Variants in MANEA observed in about 807,000 individuals in gnomAD.
MANEA encodes the protein mannosidase endo-alpha, also known as glycoprotein endo-alpha-1,2-mannosidase.
A neutral mutation model predicts 36.8 loss-of-function variants in MANEA; 25 were observed. The observed-to-expected ratio is 0.68, with a 90% CI of 0.50 to 0.95. The LOEUF (loss-of-function observed/expected upper bound fraction) is 0.95, where lower values mean the gene tolerates loss of function less well. MANEA is among the 40% of genes least tolerant of loss of function. The probability of loss-of-function intolerance (pLI) is 0.00; values close to 1 mark genes in which losing one functional copy is unlikely to be tolerated. For synonymous variants in MANEA, 198 were observed against 188.5 expected (o/e 1.05, Z -0.41); for missense variants, 565 against 558.8 (o/e 1.01, Z -0.11).
chr6:95,582,308 C>T (rs1404533167), intron 1 of MANEA, among the ~76,000 whole-genome samples: 6 of 151,432 alleles, frequency 4.0e-5, no homozygotes, highest in South Asian at 2.1e-4. Context: ...CTCAGCCTCC[C>T]GAGTAGCTGG....
intron 1 of MANEA, among the ~76,000 whole-genome samples, chr6:95,581,462 C>T (rs1005081453): frequency 6.6e-6 from 1 of 152,016 alleles, no homozygotes; most frequent in African/African-American, 2.4e-5. Flanking sequence ...ATGAGTGTAT[C>T]CAGAAAATGA....
chr6:95,600,593 A>ATGAATATGTTTAAT (rs535823610), intron 3 of MANEA, among the ~76,000 whole-genome samples: 5 of 152,324 alleles, frequency 3.3e-5, no homozygotes, highest in African/African-American at 7.2e-5. Context: ...TAATATGTTT[A>ATGAATATGTTTAAT]ATGAATGACA....
At chr6:95,604,607 G>A (rs1325894857) in intron 3 of MANEA, among the ~76,000 whole-genome samples, 1 of 151,830 alleles carries the variant, frequency 6.6e-6, no homozygotes, top group East Asian at 1.9e-4. Flanking sequence ...AATACCTTAG[G>A]GAGTTGTGAA....
chr6:95,602,531 T>G (rs1411111465), intron 3 of MANEA, among the ~76,000 whole-genome samples: 2 of 152,014 alleles, frequency 1.3e-5, no homozygotes, highest in Non-Finnish European at 2.9e-5. Context: ...AAATGCAGGG[T>G]AGGGAAGAGA....
At chr6:95,583,321 T>C (rs1769216507) in intron 1 of MANEA, among the ~76,000 whole-genome samples, 1 of 151,984 alleles carries the variant, frequency 6.6e-6, no homozygotes, top group South Asian at 2.1e-4. Context: ...ATACATTTAA[T>C]TATGTATATA....
chr6:95,578,139 G>C (rs576275261), intron 1 of MANEA, among the ~76,000 whole-genome samples: 2 of 152,160 alleles, frequency 1.3e-5, no homozygotes, highest in African/African-American at 4.8e-5. Flanking sequence ...TCTGGGCATC[G>C]GGAGGAGACC....
intron 2 of MANEA, among the ~76,000 whole-genome samples, chr6:95,596,499 CT>C (rs1436876910): frequency 2.6e-5 from 4 of 152,042 alleles, no homozygotes; most frequent in Non-Finnish European, 5.9e-5. Context: ...AAACCTAAAA[CT>C]TACTCTAAAA....
chr6:95,589,357 C>A (rs1315902487), intron 2 of MANEA, among the ~76,000 whole-genome samples: 12 of 151,962 alleles, frequency 7.9e-5, no homozygotes, highest in African/African-American at 2.9e-4. Context: ...TCATATTTTT[C>A]CTTTGATATA....
At chr6:95,605,101 T>C (rs988393912) in intron 4 of MANEA, among the ~76,000 whole-genome samples, 198 bp downstream of exon 4, 2 of 152,066 alleles carry the variant, frequency 1.3e-5, no homozygotes, top group African/African-American at 4.8e-5. Context: ...TCACTTTCTT[T>C]TTGGAAGATT....
At position 95,605,999 on chromosome 6, in the gene MANEA, G is replaced by A. The variant is rs1582232451; in HGVS notation, c.983G>A (p.Gly328Asp). Residue 328 changes from glycine to aspartate, a missense_variant, in exon 5 of 5, where the codon GGC becomes GAC. Transcript: ENST00000358812. ...ATTTACACATATTTTGCCACAAATG[G>A]CTTTACTTATGGCTCATCACATCAG... ...DGIYTYFATN[G>D]FTYGSSHQNW... The A allele has an allele frequency of 3.1e-6, 5 of 1,613,838 alleles. No homozygotes were observed. In the South Asian group the frequency reaches 5.5e-5, roughly 18 times the overall value.
intron 2 of MANEA, among the ~76,000 whole-genome samples, chr6:95,590,671 G>T (rs926782230): frequency 2.0e-5 from 3 of 152,070 alleles, no homozygotes; most frequent in African/African-American, 7.2e-5. Flanking sequence ...CTGTAGAGTG[G>T]TGATATTCCA....
chr6:95,585,408 C>G (rs1769262669), intron 1 of MANEA, among the ~76,000 whole-genome samples: 1 of 152,302 alleles, frequency 6.6e-6, no homozygotes, highest in South Asian at 2.1e-4. Flanking sequence ...CTTCTGGGCT[C>G]AAGCAATCCA....
intron 2 of MANEA, among the ~76,000 whole-genome samples, chr6:95,591,956 C>A (rs975670082): frequency 1.7e-4 from 26 of 152,198 alleles, no homozygotes; most frequent in African/African-American, 5.5e-4. Context: ...CCTGCCTGGG[C>A]CTCCCAAAGT....
intron 2 of MANEA, among the ~76,000 whole-genome samples, chr6:95,587,563 C>T (rs1477594340): frequency 6.6e-6 from 1 of 152,092 alleles, no homozygotes; most frequent in Non-Finnish European, 1.5e-5. Context: ...GTCTTTTGCT[C>T]AGCACAATAT....
At chr6:95,580,724 C>CAAAAA (rs67844240) in intron 1 of MANEA, among the ~76,000 whole-genome samples, 4 of 59,804 alleles carry the variant, frequency 6.7e-5, no homozygotes, top group East Asian at 5.3e-4. Flanking sequence ...GACGCCGTCT[C>CAAAAA]AAAAAAAAAA....
chr6:95,605,013 C>T (rs550729993), intron 4 of MANEA, 110 bp downstream of exon 4: 1 of 410,268 alleles, frequency 2.4e-6, no homozygotes, highest in Non-Finnish European at 4.4e-6. Context: ...ATGATTATTC[C>T]ATTTTTAATA....
In MANEA at chr6:95,596,780, A is replaced by C. The variant is rs1442482812; in HGVS notation, c.588A>C (p.Glu196Asp). Residue 196 changes from glutamate to aspartate, a missense_variant, in exon 3 of 5, where the codon GAA becomes GAC. Glu to Asp is a conservative substitution (Grantham distance 45, BLOSUM62 2). Coordinates refer to ENST00000358812, the MANE Select transcript of MANEA (RefSeq NM_024641.4). ...LSWYPPDVND[E>D]NGEPTDNLVP... ...GGTACCCACCTGATGTAAATGATGAAAATGGAGAACCTACTGATAACTTGG... is the reference window on the plus strand; with the variant it reads ...GGTACCCACCTGATGTAAATGATGACAATGGAGAACCTACTGATAACTTGG... The C allele has an allele frequency of 6.2e-7, 1 of 1,609,072 alleles. No individual in the cohort carries two copies.
chr6:95,585,363 G>A (rs1346750662), intron 1 of MANEA, among the ~76,000 whole-genome samples: 1 of 152,172 alleles, frequency 6.6e-6, no homozygotes, highest in Admixed American at 6.5e-5. Flanking sequence ...AGGCTGGAGT[G>A]CAGTGGCACA....
At chr6:95,584,827 T>C (rs1562195585) in intron 1 of MANEA, among the ~76,000 whole-genome samples, 1 of 152,138 alleles carries the variant, frequency 6.6e-6, no homozygotes, top group South Asian at 2.1e-4. Flanking sequence ...TTGTACTCTC[T>C]CTCTTATTTC....
Sources: gnomAD v4.1 joint callset for allele counts (sites outside exome capture counted in the v4.1 genomes callset) on GRCh38, gnomAD v4.1.1 for gene constraint, MANE v1.5 for transcripts, NCBI Gene and HGNC (gene_info 2026-07-23, HGNC 2026-07-21) for gene names.